SCN8A: variants seen among roughly 807,000 people sequenced by gnomAD.
The protein encoded by SCN8A is sodium channel protein type 8 subunit alpha.
Under a neutral mutation model 184.1 loss-of-function variants are expected in SCN8A, and 30 were observed. The observed-to-expected ratio is 0.16, with a 90% CI of 0.12 to 0.22. The LOEUF is 0.22. Ranked by LOEUF, SCN8A falls within the 10% of genes least tolerant of loss-of-function variation. SCN8A has a pLI of 1.00. For synonymous variants in SCN8A, 852 were observed against 907.0 expected (o/e 0.94, Z 1.09); for missense variants, 1,057 against 2,498.9 (o/e 0.42, Z 12.30).
intron 6 of SCN8A, among the ~76,000 whole-genome samples, chr12:51,693,721 T>C (rs1284146481): frequency 5.3e-5 from 8 of 152,172 alleles, no homozygotes; most frequent in Non-Finnish European, 1.2e-4. Flanking sequence ...CACACTACTT[T>C]ACCCCTATGC....
In SCN8A at chr12:51,780,779, A is replaced by T. The variant is rs1555227596; in HGVS notation, c.3942+8A>T. The T allele has an allele frequency of 6.3e-7, 1 of 1,577,022 alleles. No individual in the cohort carries two copies. The highest frequency in any genetic ancestry group is 2.0e-5 in the Admixed American group (1 of 50,034). ...CGATTTGAAGGGATGAGGGTAAGATACTAAGAGCAGCTGATCCTTCTGCAT... is the reference window on the plus strand; with the variant it reads ...CGATTTGAAGGGATGAGGGTAAGATTCTAAGAGCAGCTGATCCTTCTGCAT... On this transcript the variant is annotated splice_region_variant and intron_variant, in intron 21 of 26. Coordinates refer to ENST00000627620, the MANE Select transcript of SCN8A (RefSeq NM_001330260.2).
chr12:51,747,089 A>ATGTGTGTGTGTG lies in SCN8A; in HGVS notation c.2131+1086_2131+1097dup, dbSNP rs60490453. Among the ~76,000 whole-genome samples the ATGTGTGTGTGTG allele has an allele frequency of 7.3e-3, 594 of 81,258 alleles. 9 individuals are homozygous for ATGTGTGTGTGTG. Among genetic ancestry groups the ATGTGTGTGTGTG allele is most frequent in the African/African-American group, 0.021 (504 of 24,080 alleles). 53.3% of individuals were successfully genotyped at this position (81,258 alleles called of 152,430 possible). On this transcript the variant is annotated intron_variant, in intron 13 of 26. Coordinates refer to ENST00000627620, the MANE Select transcript of SCN8A (RefSeq NM_001330260.2). ...CCAGTGCCACTTCTACTCTGTGTGT[A>ATGTGTGTGTGTG]TGTGTGTGTGTGTGTGTGTGTGTGT... is the stretch of plus-strand genomic sequence containing the variant.
intron 12 of SCN8A, among the ~76,000 whole-genome samples, chr12:51,728,669 A>G (rs1942191799): frequency 6.6e-6 from 1 of 151,418 alleles, no homozygotes; most frequent in African/African-American, 2.4e-5. Context: ...TGGGAGGTCA[A>G]GGCTGCAGTG....
At chr12:51,752,274 C>A (rs1215044466) in intron 14 of SCN8A, among the ~76,000 whole-genome samples, 1 of 152,070 alleles carries the variant, frequency 6.6e-6, no homozygotes, top group Non-Finnish European at 1.5e-5. Context: ...GAGAAAGAAT[C>A]CCCTAGGTCA....
rs1302304336 is a variant in SCN8A at position 51,807,636 on chromosome 12, G to C, written c.*207G>C. On this transcript the variant is annotated 3_prime_UTR_variant, in exon 27 of 27. Transcript: ENST00000627620. This position sits in a 1 kb window ranked among gnomAD's most constrained non-coding sequence, Gnocchi z 4.5. Reference sequence around the variant, plus strand: ...AAGGACCCCGCTCCCTAGACTTACAGATTTTCTAATGCTTGGGCAGGTGGT... The same window carrying C: ...AAGGACCCCGCTCCCTAGACTTACACATTTTCTAATGCTTGGGCAGGTGGT... 5 of 607,504 alleles carry C rather than the reference G, an allele frequency of 8.2e-6. No individual in the cohort carries two copies. The highest frequency in any genetic ancestry group is 1.4e-5 in the Non-Finnish European group (5 of 347,026). 37.6% of individuals were successfully genotyped at this position (607,504 alleles called of 1,614,324 possible). A position where few individuals can be genotyped will look rare whatever the true frequency, so the allele number is the denominator to read the frequency against.
intron 14 of SCN8A, among the ~76,000 whole-genome samples, chr12:51,754,399 T>G (rs988749725): frequency 1.3e-5 from 2 of 152,072 alleles, no homozygotes; most frequent in African/African-American, 2.4e-5. Context: ...GTGTATTTTT[T>G]ATACACAAGT....
chr12:51,783,527 C>T (rs144545215), intron 21 of SCN8A, among the ~76,000 whole-genome samples: 2 of 152,290 alleles, frequency 1.3e-5, no homozygotes, highest in East Asian at 1.9e-4. Flanking sequence ...TCCTCTTCTT[C>T]CTCAAACCAA....
Position 51,612,349 on chromosome 12 carries a change from A to T in SCN8A, c.-55+20990A>T, listed in dbSNP as rs536148033. 5.7e-4 allele frequency among the ~76,000 whole-genome samples: 86 copies of T among 152,204 alleles called. No homozygotes were observed. In the South Asian group the frequency reaches 7.3e-3, roughly 13 times the overall value. On this transcript the variant is annotated intron_variant, in intron 1 of 26. Transcript: ENST00000627620. ...GCTAATTTTTAAAATTTTTTTGTAG[A>T]GACAGGGTTTTGCCATGTTGCCCAG... is the stretch of plus-strand genomic sequence containing the variant.
chr12:51,755,625 AACT>A (rs1304820591), intron 14 of SCN8A, among the ~76,000 whole-genome samples: 1 of 151,628 alleles, frequency 6.6e-6, no homozygotes, highest in Non-Finnish European at 1.5e-5. Context: ...CAAAATAGAA[AACT>A]AAAAAAAAAG....
At chr12:51,645,142 C>T (rs1282837662) in intron 1 of SCN8A, among the ~76,000 whole-genome samples, 5 of 150,338 alleles carry the variant, frequency 3.3e-5, no homozygotes, top group Admixed American at 1.3e-4. Flanking sequence ...TCTGCCCGGC[C>T]GCCCCTACTG....
rs187616489 is a variant in SCN8A at position 51,730,577 on chromosome 12, G to A, written c.1998+8669G>A. 5.9e-5 allele frequency among the ~76,000 whole-genome samples: 9 copies of A among 151,976 alleles called. No homozygotes were observed. The East Asian group carries it at 1.7e-3, about 29-fold the overall frequency. ...TTTTATTTAATTTCAGATTTTTGTG[G>A]GTACATAGTAAGTATATATATTTAT... On this transcript the variant is annotated intron_variant, in intron 12 of 26. Coordinates refer to ENST00000627620, the MANE Select transcript of SCN8A (RefSeq NM_001330260.2).
intron 1 of SCN8A, among the ~76,000 whole-genome samples, chr12:51,655,968 C>G (rs1940814722): frequency 6.6e-6 from 1 of 152,144 alleles, no homozygotes; most frequent in Non-Finnish European, 1.5e-5. Context: ...GCATCTGTCA[C>G]TAATTGGCAG....
At chr12:51,623,249 T>C (rs1940002133) in intron 1 of SCN8A, among the ~76,000 whole-genome samples, 1 of 152,206 alleles carries the variant, frequency 6.6e-6, no homozygotes, top group South Asian at 2.1e-4. Context: ...AATAAAAGTA[T>C]GTATGCTAAC....
intron 1 of SCN8A, among the ~76,000 whole-genome samples, chr12:51,622,117 G>C (rs999827282): frequency 1.3e-5 from 2 of 152,150 alleles, no homozygotes; most frequent in Admixed American, 1.3e-4. Flanking sequence ...AATTTTTCTC[G>C]CTAACTTGAC....
In SCN8A at chr12:51,811,969, A is replaced by C. The variant is rs1271465438; in HGVS notation, c.*4540A>C. On this transcript the variant is annotated 3_prime_UTR_variant, in exon 27 of 27. Transcript: ENST00000627620. ...TTTTCAGGTACTCCCCACCCCCTAA[A>C]GAATTGGCTGCAACTTGCCAGCCAG... 1 of 152,188 alleles carries C rather than the reference A, an allele frequency of 6.6e-6. No individual in the cohort carries two copies. The highest frequency in any genetic ancestry group is 1.5e-5 in the Non-Finnish European group (1 of 68,050). 9.4% of individuals were successfully genotyped at this position (152,188 alleles called of 1,614,324 possible).
In SCN8A at chr12:51,807,542, A is replaced by C. The variant is rs1407968123; in HGVS notation, c.*113A>C. 6 of 1,164,760 alleles carry C rather than the reference A, an allele frequency of 5.2e-6. No homozygotes were observed. Among genetic ancestry groups the C allele is most frequent in the East Asian group, 2.6e-5 (1 of 39,134 alleles). The allele number at this position is 1,164,760 out of a possible 1,614,324, so 72.2% of individuals were successfully genotyped here. ...CAGCTGTGGAGACTCTAACCTGAAG[A>C]TCTATACCAAACGTCGTCTGCTTAC... On this transcript the variant is annotated 3_prime_UTR_variant, in exon 27 of 27. Coordinates refer to ENST00000627620, the MANE Select transcript of SCN8A (RefSeq NM_001330260.2). The surrounding 1 kb of genome is among the most constrained non-coding windows in gnomAD (Gnocchi z 4.5).
chr12:51,637,205 C>T (rs1037425833), intron 1 of SCN8A, among the ~76,000 whole-genome samples: 4 of 152,140 alleles, frequency 2.6e-5, no homozygotes, highest in African/African-American at 9.7e-5. Flanking sequence ...AGCTGTTCCC[C>T]CATCTCTCTC....
intron 4 of SCN8A, among the ~76,000 whole-genome samples, chr12:51,686,778 A>G (rs1282562210): frequency 1.3e-5 from 2 of 152,042 alleles, no homozygotes; most frequent in Non-Finnish European, 2.9e-5. Context: ...TGACTTCTCT[A>G]AGGTTAAAAA....
chr12:51,655,870 A>G (rs1940813114), intron 1 of SCN8A, among the ~76,000 whole-genome samples: 1 of 152,236 alleles, frequency 6.6e-6, no homozygotes. Context: ...TAGTAGTGGT[A>G]TGATGGACAA....
Sources: allele counts gnomAD v4.1 joint callset (sites outside exome capture counted in the v4.1 genomes callset), GRCh38; gene constraint gnomAD v4.1.1; non-coding constraint Gnocchi (gnomAD v3.1); transcripts MANE v1.5; gene names NCBI Gene and HGNC (gene_info 2026-07-23, HGNC 2026-07-21).